TOX2: variants seen among roughly 807,000 people sequenced by gnomAD.
TOX2 encodes the protein granulosa cell HMG box 1.
TOX2 carries 15 observed loss-of-function variants against 47.4 expected under a neutral mutation model. The ratio of observed to expected loss-of-function variants is 0.32; its 90% CI spans 0.21 to 0.49. The LOEUF is 0.49. Ranked by LOEUF, TOX2 falls within the 20% of genes least tolerant of loss-of-function variation. The pLI, the probability that TOX2 is intolerant of heterozygous loss-of-function variation, is 0.99. For missense variants in TOX2, 622 were observed against 673.1 expected (o/e 0.92, Z 0.84); for synonymous variants, 290 against 296.6 (o/e 0.98, Z 0.23).
At chr20:43,980,327 A>G (rs988138482) in intron 2 of TOX2, among the ~76,000 whole-genome samples, 7 of 152,214 alleles carry the variant, frequency 4.6e-5, no homozygotes, top group African/African-American at 1.7e-4. Context: ...AATCAAGACA[A>G]TGAACCCATG....
intron 3 of TOX2, among the ~76,000 whole-genome samples, chr20:44,046,446 T>C (rs893073718): frequency 6.6e-6 from 1 of 152,218 alleles, no homozygotes; most frequent in Non-Finnish European, 1.5e-5. Context: ...GATACGGCAA[T>C]TGGAATTCTG....
chr20:43,969,745 A>T (rs777638085), intron 1 of TOX2, among the ~76,000 whole-genome samples: 1 of 152,230 alleles, frequency 6.6e-6, no homozygotes, highest in African/African-American at 2.4e-5. Flanking sequence ...CCCAAGGGTA[A>T]CTGAACTGAG....
intron 3 of TOX2, among the ~76,000 whole-genome samples, chr20:44,023,032 G>T (rs1156619409): frequency 6.6e-6 from 1 of 150,594 alleles, no homozygotes; most frequent in African/African-American, 2.4e-5. Flanking sequence ...CAGAGGAGGG[G>T]GGAAGCTTCA....
At chr20:43,987,983 A>C (rs2070299795) in intron 2 of TOX2, among the ~76,000 whole-genome samples, 2 of 141,062 alleles carry the variant, frequency 1.4e-5, no homozygotes, top group Admixed American at 7.6e-5. Context: ...GCAGTATCAC[A>C]ATCTTGGCTC....
chr20:44,040,378 C>T (rs2071312217), intron 3 of TOX2, among the ~76,000 whole-genome samples: 1 of 151,986 alleles, frequency 6.6e-6, no homozygotes, highest in Non-Finnish European at 1.5e-5. Context: ...GGTGGTTGGA[C>T]AGTCAAGCAC....
Position 43,994,134 on chromosome 20 carries a change from G to C in TOX2, c.166-12413G>C, listed in dbSNP as rs112295142. 4.1e-3 allele frequency among the ~76,000 whole-genome samples: 623 copies of C among 152,050 alleles called. 4 individuals carry two copies. The highest frequency in any genetic ancestry group is 0.014 in the African/African-American group (594 of 41,464). On this transcript the variant is annotated intron_variant, in intron 2 of 8. Transcript: ENST00000341197. Reference sequence around the variant, plus strand: ...CCACTGTGCTCCAGCCTGGGCAACAGAGCAAGACCCTGTCTCGAAAAAGAA... The same window carrying C: ...CCACTGTGCTCCAGCCTGGGCAACACAGCAAGACCCTGTCTCGAAAAAGAA...
At chr20:43,941,119 A>G (rs2069396934) in intron 1 of TOX2, among the ~76,000 whole-genome samples, 1 of 152,096 alleles carries the variant, frequency 6.6e-6, no homozygotes, top group Non-Finnish European at 1.5e-5. Flanking sequence ...GTCAGTTACT[A>G]TTAAGGTTGC....
chr20:43,954,687 C>T (rs575814973), intron 1 of TOX2, among the ~76,000 whole-genome samples: 1 of 152,270 alleles, frequency 6.6e-6, no homozygotes, highest in East Asian at 1.9e-4. Flanking sequence ...CCTGGGCAGC[C>T]CCATTCCTAT....
chr20:44,043,266 A>G (rs2071362068), intron 3 of TOX2, among the ~76,000 whole-genome samples: 2 of 152,136 alleles, frequency 1.3e-5, no homozygotes, highest in Admixed American at 6.5e-5. Context: ...AACTCATCAC[A>G]TTTAAGTTTA....
intron 1 of TOX2, among the ~76,000 whole-genome samples, chr20:43,940,643 C>G (rs965622571): frequency 6.6e-6 from 1 of 151,878 alleles, no homozygotes; most frequent in African/African-American, 2.4e-5. Flanking sequence ...GAGCCAGAGT[C>G]GCAGGGATGG....
chr20:44,030,239 A>G (rs2071128780), intron 3 of TOX2, among the ~76,000 whole-genome samples: 1 of 152,132 alleles, frequency 6.6e-6, no homozygotes, highest in African/African-American at 2.4e-5. Context: ...GTAATCTGGT[A>G]TGAGTCTTAA....
intron 3 of TOX2, among the ~76,000 whole-genome samples, chr20:44,017,943 G>A (rs1221068149): frequency 6.6e-6 from 1 of 152,156 alleles, no homozygotes; most frequent in African/African-American, 2.4e-5. Flanking sequence ...GGGACAAGAT[G>A]GAGACCCACT....
chr20:44,007,353 T>C (rs1448080254), intron 3 of TOX2: 2 of 153,362 alleles, frequency 1.3e-5, no homozygotes, highest in African/African-American at 4.8e-5. Context: ...TGCAAATCAG[T>C]TGGCTGCACT....
chr20:44,064,694 C>A, intron 5 of TOX2, 83 bp from the exon 6 acceptor site: 1 of 1,323,124 alleles, frequency 7.6e-7, no homozygotes, highest in Non-Finnish European at 1.1e-6. Flanking sequence ...ATCCTTGAAT[C>A]CATGCCTTCC....
intron 1 of TOX2, 147 bp from the exon 2 acceptor site, chr20:43,973,220 G>A (rs1054840724): frequency 2.2e-5 from 16 of 722,894 alleles, no homozygotes; most frequent in Middle Eastern, 3.8e-4. Context: ...GCTGAAATGG[G>A]GCTTTGGGCA....
intron 3 of TOX2, among the ~76,000 whole-genome samples, chr20:44,008,831 A>C (rs928663192): frequency 6.6e-6 from 1 of 152,226 alleles, no homozygotes; most frequent in African/African-American, 2.4e-5. Context: ...GGGTGGATAC[A>C]GGGTTTCAGG....
chr20:43,994,314 C>G (rs1342826616), intron 2 of TOX2, among the ~76,000 whole-genome samples: 4 of 151,724 alleles, frequency 2.6e-5, no homozygotes, highest in Non-Finnish European at 4.4e-5. Context: ...AAAAAATTAA[C>G]CAGGTGTGTT....
Position 44,064,053 on chromosome 20 carries a change from A to C in TOX2, c.880-724A>C, listed in dbSNP as rs1314769468. ...AAGACTATCATCAGGTACAGTGTAC[A>C]CTGCTCAGGTGGTAGGTTCACCAAC... On this transcript the variant is annotated intron_variant, in intron 5 of 8. Transcript: ENST00000341197. Among the ~76,000 whole-genome samples the C allele has an allele frequency of 2.6e-5, 4 of 152,356 alleles. No homozygotes were observed. The South Asian group carries it at 8.3e-4, about 32-fold the overall frequency.
rs776323150 is a variant in TOX2 at position 44,066,056 on chromosome 20, C to T, written c.1305C>T (p.Pro435=). Residue 435 remains proline (P), a synonymous_variant, in exon 7 of 9, where the codon CCC becomes CCT. Coordinates refer to ENST00000341197, the MANE Select transcript of TOX2 (RefSeq NM_001098797.2). ...PAPQPPVLPT[P]MALQVQLAMS... is the part of the protein sequence containing the mutation. The stretch of plus-strand genomic sequence containing the variant: ...CCCAGCCCCCTGTCCTGCCCACCCC[C>T]ATGGCACTCCAGGTGCAGCTGGCGA... 4 of 1,581,870 alleles carry T rather than the reference C, an allele frequency of 2.5e-6. No individual in the cohort carries two copies. Among genetic ancestry groups the T allele is most frequent in the African/African-American group, 1.3e-5 (1 of 74,490 alleles).
Sources: allele counts gnomAD v4.1 joint callset (sites outside exome capture counted in the v4.1 genomes callset), GRCh38; gene constraint gnomAD v4.1.1; transcripts MANE v1.5; gene names NCBI Gene and HGNC (gene_info 2026-07-23, HGNC 2026-07-21).